The following TTC16 variants were observed in gnomAD, a reference collection of about 807,000 sequenced individuals.
The protein encoded by TTC16 is tetratricopeptide repeat domain 16, also known as tetratricopeptide repeat protein 16.
TTC16 carries 66 observed loss-of-function variants against 80.4 expected under a neutral mutation model. That is an observed-to-expected ratio of 0.82 (90% confidence interval 0.67 to 1.01). TTC16 has a LOEUF of 1.01. Among genes scored for constraint, TTC16 ranks in the 50% least tolerant of loss-of-function variants. TTC16 has a pLI of 0.00. For missense variants in TTC16, 1,070 were observed against 1,103.2 expected (o/e 0.97, Z 0.43); for synonymous variants, 438 against 451.3 (o/e 0.97, Z 0.37).
Position 127,727,018 on chromosome 9 carries a change from G to T in TTC16, c.1474G>T (p.Val492Leu). Residue 492 changes from valine to leucine, a missense_variant, in exon 11 of 14, where the codon GTG becomes TTG. Val to Leu is a conservative substitution (Grantham distance 32). Coordinates refer to ENST00000373289, the MANE Select transcript of TTC16 (RefSeq NM_144965.3). ...NLFPGMSVEE[V>L]LSTQIAHLAR... ...CTTCCCGGGCATGTCGGTGGAGGAGGTGCTTAGCACCCAGATAGCCCACCT... is the reference window on the plus strand; with the variant it reads ...CTTCCCGGGCATGTCGGTGGAGGAGTTGCTTAGCACCCAGATAGCCCACCT... 2 of 1,612,976 alleles carry T rather than the reference G, an allele frequency of 1.2e-6. No homozygotes were observed. The highest frequency in any genetic ancestry group is 1.7e-6 in the Non-Finnish European group (2 of 1,180,006).
intron 12 of TTC16, chr9:127,727,697 C>A: frequency 1.3e-6 from 1 of 784,692 alleles, no homozygotes; most frequent in Non-Finnish European, 1.8e-6. Context: ...AGAGGAGTCA[C>A]AGCCCTGCTC....
Position 127,717,366 on chromosome 9 carries a change from CA to C in TTC16, c.225del (p.Asp76ThrfsTer81), listed in dbSNP as rs1438702145. The C allele has an allele frequency of 2.5e-6, 4 of 1,612,488 alleles. No individual in the cohort carries two copies. Among genetic ancestry groups the C allele is most frequent in the Admixed American group, 1.7e-5 (1 of 60,004 alleles). On this transcript the variant is annotated frameshift_variant, in exon 3 of 14. Coordinates refer to ENST00000373289, the MANE Select transcript of TTC16 (RefSeq NM_144965.3). LOFTEE classifies it high-confidence loss of function. ...AGAGGCCAGCAGTGCTTGGAGCAGGCAGACTGGGAGACAGCTGTGCTGCTCT... is the reference window on the plus strand; with the variant it reads ...AGAGGCCAGCAGTGCTTGGAGCAGGCGACTGGGAGACAGCTGTGCTGCTCT... Reference protein sequence around the residue: ...YSRGQQCLEQADWETAVLLFS... With the variant: ...YSRGQQCLEQXDWETAVLLFS...
At chr9:127,724,704 CT>C in intron 8 of TTC16, 51 bp from the exon 9 acceptor site, 1 of 1,579,366 alleles carries the variant, frequency 6.3e-7, no homozygotes. Flanking sequence ...TGGGCTGGGG[CT>C]CCCGGGCACT....
chr9:127,723,136 G>C lies in TTC16; in HGVS notation c.675G>C (p.Arg225=), dbSNP rs377335506. The C allele has an allele frequency of 6.2e-7, 1 of 1,611,794 alleles. No homozygotes were observed. The part of the protein sequence containing the change: ...NFLQKPHLCY[R]DLHSALLLNP... ...TCCTGCAGCCCCACCTCTGCTACCG[G>C]GACCTGCACAGCGCCTTGCTGTTGA... Residue 225 remains arginine, a synonymous_variant, in exon 7 of 14, where the codon CGG becomes CGC. Transcript: ENST00000373289.
chr9:127,726,131 G>T, intron 9 of TTC16, 108 bp from the exon 10 acceptor site: 1 of 942,452 alleles, frequency 1.1e-6, no homozygotes, highest in Non-Finnish European at 1.5e-6. Flanking sequence ...GGTGAGGGGA[G>T]CAGACCTAGC....
chr9:127,727,829 G>A lies in TTC16; in HGVS notation c.1764+364G>A, dbSNP rs527963298. On this transcript the variant is annotated intron_variant, in intron 12 of 13. Coordinates refer to ENST00000373289, the MANE Select transcript of TTC16 (RefSeq NM_144965.3). Reference sequence around the variant, plus strand: ...GGCTGGAGTACAGTGGCACAATCTCGGCTCACTGCAACCTCCGCCTCCTGG... The same window carrying A: ...GGCTGGAGTACAGTGGCACAATCTCAGCTCACTGCAACCTCCGCCTCCTGG... The A allele has an allele frequency of 4.6e-4, 78 of 171,146 alleles. 3 individuals carry two copies. In the South Asian group the frequency reaches 5.6e-3, roughly 12 times the overall value. The allele number at this position is 171,146 out of a possible 1,614,324, so 10.6% of individuals were successfully genotyped here. A position where few individuals can be genotyped will look rare whatever the true frequency, so the allele number is the denominator to read the frequency against.
chr9:127,716,238 G>A (rs1842996428), intron 1 of TTC16, 75 bp downstream of exon 1: 1 of 1,606,310 alleles, frequency 6.2e-7, no homozygotes, highest in East Asian at 2.2e-5. Flanking sequence ...CGCAGGAAAG[G>A]GTGAAGGCCG....
intron 4 of TTC16, among the ~76,000 whole-genome samples, 160 bp from the exon 5 acceptor site, chr9:127,719,916 ATC>A (rs1473880926): frequency 9.2e-5 from 14 of 151,964 alleles, no homozygotes; most frequent in African/African-American, 3.4e-4. Context: ...ATCTCTCTCC[ATC>A]TCTGTCTGTG....
At chr9:127,720,444 TCA>T in intron 6 of TTC16, 49 bp downstream of exon 6, 3 of 1,605,838 alleles carry the variant, frequency 1.9e-6, no homozygotes, top group Non-Finnish European at 2.5e-6. Flanking sequence ...CTGGGAGTCC[TCA>T]GTGTGCCCCA....
Position 127,727,090 on chromosome 9 carries a change from GGCAGC to G in TTC16, c.1547_1551del (p.Gly516AlafsTer9). On this transcript the variant is annotated frameshift_variant, in exon 11 of 14. Coordinates refer to ENST00000373289, the MANE Select transcript of TTC16 (RefSeq NM_144965.3). LOFTEE classifies it high-confidence loss of function. ...GATGGTGGAGGGCAGCCTGCAGGCC[GGCAGC>G]CCACAAGGCATTGTGGGGTAAGCCC... 6.2e-7 allele frequency: 1 copy of G among 1,607,756 alleles called. No individual in the cohort carries two copies. The highest frequency in any genetic ancestry group is 8.5e-7 in the Non-Finnish European group (1 of 1,177,098).
intron 13 of TTC16, chr9:127,729,896 C>G: frequency 3.7e-6 from 2 of 539,424 alleles, no homozygotes; most frequent in Non-Finnish European, 6.7e-6. Flanking sequence ...TGCTCTCATC[C>G]CCTCCTAGCC....
chr9:127,716,990 A>T lies in TTC16; in HGVS notation c.165A>T (p.Leu55Phe). 1 of 1,613,898 alleles carries T rather than the reference A, an allele frequency of 6.2e-7. No homozygotes were observed. Among genetic ancestry groups the T allele is most frequent in the South Asian group, 1.1e-5 (1 of 91,078 alleles). ...ATGTAAAACCAAAGGTCACAGGGTT[A>T]ACAGTGCCCCTCAAAGTCAGGGAAT... ...ICDVKPKVTGLTVPLKVREYY... is the reference protein window; with the variant it reads ...ICDVKPKVTGFTVPLKVREYY... The change falls in exon 2 of 14, where the codon TTA becomes TTT. Residue 55 changes from leucine (L) to phenylalanine (F), a missense_variant. By Grantham distance (22) the Leu-to-Phe change is conservative (BLOSUM62 0). Transcript: ENST00000373289.
chr9:127,725,837 C>G (rs1335539067), intron 9 of TTC16, among the ~76,000 whole-genome samples: 1 of 152,066 alleles, frequency 6.6e-6, no homozygotes, highest in African/African-American at 2.4e-5. Flanking sequence ...CCACCTCAGG[C>G]GATCCACCTG....
At chr9:127,725,890 A>G (rs1481125264) in intron 9 of TTC16, among the ~76,000 whole-genome samples, 1 of 152,156 alleles carries the variant, frequency 6.6e-6, no homozygotes, top group South Asian at 2.1e-4. Context: ...GTGAGCCACC[A>G]TGCCCGGCCT....
Position 127,727,293 on chromosome 9 carries a change from AGCGCCAGAAG to A in TTC16, c.1595_1604del (p.Arg532ProfsTer14), listed in dbSNP as rs772764013. ...AGGATGCTTAAACGGCACGAGTTGG[AGCGCCAGAAG>A]GCCTTGGCCCTGCAGCACTCATGGA... On this transcript the variant is annotated frameshift_variant, in exon 12 of 14. Transcript: ENST00000373289. LOFTEE classifies it high-confidence loss of function. 1 of 1,572,158 alleles carries A rather than the reference AGCGCCAGAAG, an allele frequency of 6.4e-7. No homozygotes were observed. The highest frequency in any genetic ancestry group is 1.4e-5 in the African/African-American group (1 of 73,208).
Position 127,717,777 on chromosome 9 carries a change from C to G in TTC16, c.426+5C>G. 1.2e-6 allele frequency: 2 copies of G among 1,611,316 alleles called. No individual in the cohort carries two copies. Among genetic ancestry groups the G allele is most frequent in the Non-Finnish European group, 1.7e-6 (2 of 1,179,104 alleles). On this transcript the variant is annotated splice_donor_5th_base_variant and intron_variant, in intron 4 of 13. Transcript: ENST00000373289. ...ACCTTTGTGCTCTACCTACAGGTGC[C>G]TGGGGCCTCCCGGGCCCATGCAGGG... is the stretch of plus-strand genomic sequence containing the variant.
Position 127,717,361 on chromosome 9 carries a change from G to T in TTC16, c.219G>T (p.Glu73Asp). The change falls in exon 3 of 14, where the codon GAG (glutamate) becomes GAT (aspartate). Residue 73 changes from glutamate to aspartate, a missense_variant. Coordinates refer to ENST00000373289, the MANE Select transcript of TTC16 (RefSeq NM_144965.3). ...ACTCCAGAGGCCAGCAGTGCTTGGAGCAGGCAGACTGGGAGACAGCTGTGC... is the reference window on the plus strand; with the variant it reads ...ACTCCAGAGGCCAGCAGTGCTTGGATCAGGCAGACTGGGAGACAGCTGTGC... ...EYYSRGQQCL[E>D]QADWETAVLL... The T allele has an allele frequency of 1.2e-6, 2 of 1,612,418 alleles. No homozygotes were observed.
In TTC16 at chr9:127,727,102, G is replaced by A. The variant is rs1564391630; in HGVS notation, c.1558G>A (p.Gly520Ser). Residue 520 changes from glycine to serine, a missense_variant, in exon 11 of 14, where the codon GGC becomes AGC. Transcript: ENST00000373289. ...EGSLQAGSPQ[G>S]IVGMLKRHEL... is the part of the protein sequence containing the mutation. Reference sequence around the variant, plus strand: ...CAGCCTGCAGGCCGGCAGCCCACAAGGCATTGTGGGGTAAGCCCTGGAGCA... The same window carrying A: ...CAGCCTGCAGGCCGGCAGCCCACAAAGCATTGTGGGGTAAGCCCTGGAGCA... 2.5e-6 allele frequency: 4 copies of A among 1,601,550 alleles called. No homozygotes were observed. Among genetic ancestry groups the A allele is most frequent in the Admixed American group, 1.7e-5 (1 of 59,372 alleles).
intron 9 of TTC16, among the ~76,000 whole-genome samples, chr9:127,725,733 G>A (rs1426176013): frequency 6.6e-6 from 1 of 151,796 alleles, no homozygotes; most frequent in Admixed American, 6.6e-5. Context: ...CCAAGTAGCT[G>A]GGATTACAGG....
Sources: allele counts gnomAD v4.1 joint callset (sites outside exome capture counted in the v4.1 genomes callset), GRCh38; gene constraint gnomAD v4.1.1; transcripts MANE v1.5; gene names NCBI Gene and HGNC (gene_info 2026-07-23, HGNC 2026-07-21).